The following FREM2 variants were observed in gnomAD, a reference collection of about 807,000 sequenced individuals.
FREM2 encodes FRAS1-related extracellular matrix protein 2.
A neutral mutation model predicts 219.9 loss-of-function variants in FREM2; 119 were observed. The observed-to-expected ratio is 0.54, with a 90% confidence interval of 0.47 to 0.63. FREM2 has a LOEUF of 0.63. Ranked by LOEUF, FREM2 falls within the 30% of genes least tolerant of loss-of-function variation. The pLI, the probability that FREM2 is intolerant of heterozygous loss-of-function variation, is 0.00. For missense variants in FREM2, 4,030 were observed against 3,993.6 expected (o/e 1.01, Z -0.25); for synonymous variants, 1,562 against 1,522.8 (o/e 1.03, Z -0.60).
At chr13:38,861,404 A>G (rs1028756553) in intron 14 of FREM2, 27 bp from the exon 15 acceptor site, 6 of 1,609,354 alleles carry the variant, frequency 3.7e-6, no homozygotes, top group Non-Finnish European at 3.4e-6. Context: ...TTCTTTTCGC[A>G]TAAATATGGT....
intron 2 of FREM2, among the ~76,000 whole-genome samples, chr13:38,718,640 C>T (rs182247820): frequency 6.6e-6 from 1 of 151,494 alleles, no homozygotes; most frequent in Admixed American, 6.6e-5. Context: ...CAGTTTCTCC[C>T]TCTCTCTTTT....
At chr13:38,846,769 A>C (rs371098313) in intron 7 of FREM2, 47 bp downstream of exon 7, 1 of 1,599,836 alleles carries the variant, frequency 6.3e-7, no homozygotes, top group South Asian at 1.1e-5. Flanking sequence ...GCAATTTTCA[A>C]TGACCATGGC....
intron 6 of FREM2, among the ~76,000 whole-genome samples, chr13:38,812,207 T>C (rs1451141564): frequency 2.6e-5 from 4 of 152,186 alleles, no homozygotes; most frequent in Non-Finnish European, 5.9e-5. Context: ...AGTATGTTTC[T>C]TATAGTCAAG....
intron 2 of FREM2, among the ~76,000 whole-genome samples, chr13:38,750,245 A>G (rs1425304247): frequency 6.6e-6 from 1 of 151,926 alleles, no homozygotes; most frequent in Non-Finnish European, 1.5e-5. Flanking sequence ...TGTGGGAGGG[A>G]CCTGGTAGGA....
intron 11 of FREM2, among the ~76,000 whole-genome samples, chr13:38,853,200 C>T (rs570837356): frequency 1.3e-5 from 2 of 151,522 alleles, no homozygotes; most frequent in South Asian, 2.1e-4. Flanking sequence ...TGGTGGCACA[C>T]GCCTGTAATC....
chr13:38,873,478 A>G, intron 17 of FREM2, among the ~76,000 whole-genome samples: 1 of 152,162 alleles, frequency 6.6e-6, no homozygotes, highest in Non-Finnish European at 1.5e-5. Flanking sequence ...TCTCTTTCTG[A>G]TGTAAAATTC....
intron 6 of FREM2, among the ~76,000 whole-genome samples, chr13:38,815,793 C>A (rs917527160): frequency 6.6e-6 from 1 of 152,168 alleles, no homozygotes; most frequent in African/African-American, 2.4e-5. Context: ...AGCTTTTTAA[C>A]AACCAGCTTT....
intron 2 of FREM2, among the ~76,000 whole-genome samples, chr13:38,748,119 T>C (rs1872561971): frequency 6.6e-6 from 1 of 152,044 alleles, no homozygotes; most frequent in Non-Finnish European, 1.5e-5. Context: ...CGCATTTGAC[T>C]AATTAAAAAA....
intron 6 of FREM2, among the ~76,000 whole-genome samples, chr13:38,815,677 G>A (rs1054523517): frequency 2.6e-5 from 4 of 152,168 alleles, no homozygotes; most frequent in Admixed American, 2.6e-4. Flanking sequence ...AAAAAGCATG[G>A]TGCTAGCACC....
chr13:38,739,144 G>A (rs1327796434), intron 2 of FREM2, among the ~76,000 whole-genome samples: 1 of 152,120 alleles, frequency 6.6e-6, no homozygotes, highest in Non-Finnish European at 1.5e-5. Flanking sequence ...AACAGAAATG[G>A]TAGAGTAGTA....
At chr13:38,753,831 G>A (rs2137797178) in intron 2 of FREM2, among the ~76,000 whole-genome samples, 1 of 152,274 alleles carries the variant, frequency 6.6e-6, no homozygotes, top group African/African-American at 2.4e-5. Flanking sequence ...AAAGTACAGT[G>A]TTACCCAATT....
chr13:38,753,040 C>T (rs921715108), intron 2 of FREM2, among the ~76,000 whole-genome samples: 7 of 152,274 alleles, frequency 4.6e-5, no homozygotes, highest in South Asian at 2.1e-4. Flanking sequence ...AGTGCATGCA[C>T]GAAATCTTGC....
chr13:38,813,508 C>T (rs1254985514), intron 6 of FREM2, among the ~76,000 whole-genome samples: 2 of 12,256 alleles, frequency 1.6e-4, no homozygotes, highest in African/African-American at 5.4e-4. Flanking sequence ...CTCTCTCTCT[C>T]TCTCTCTCTC....
chr13:38,822,412 A>C (rs1415027539), intron 6 of FREM2, among the ~76,000 whole-genome samples: 2 of 140,434 alleles, frequency 1.4e-5, no homozygotes, highest in South Asian at 2.3e-4. Flanking sequence ...TTGAGAGCAC[A>C]CTCCCTGCCA....
chr13:38,763,729 T>C (rs1244972345), intron 2 of FREM2, among the ~76,000 whole-genome samples: 1 of 152,148 alleles, frequency 6.6e-6, no homozygotes, highest in African/African-American at 2.4e-5. Flanking sequence ...GAAAACCTTA[T>C]CTTCAGAGTG....
At chr13:38,761,494 T>A (rs1873222751) in intron 2 of FREM2, among the ~76,000 whole-genome samples, 1 of 152,202 alleles carries the variant, frequency 6.6e-6, no homozygotes, top group Non-Finnish European at 1.5e-5. Context: ...AATAATTTTT[T>A]AAAATATTTT....
intron 6 of FREM2, among the ~76,000 whole-genome samples, chr13:38,842,200 G>A (rs765612729): frequency 4.6e-5 from 7 of 152,222 alleles, no homozygotes; most frequent in Non-Finnish European, 1.0e-4. Context: ...AAATGTTTCA[G>A]TGTCTTGTAA....
In FREM2 at chr13:38,856,216, T is replaced by C. The variant is rs1280605939; in HGVS notation, c.7016T>C (p.Val2339Ala). ...GVREMREAFT[V>A]HLKPDENMIA... is the part of the protein sequence containing the mutation. ...AGAGAGATGAGAGAGGCCTTCACTG[T>C]TCACCTAAAACCTGATGAAAATATG... The change falls in exon 12 of 24, where the codon GTT becomes GCT. Residue 2339 changes from valine (V) to alanine (A), a missense_variant. Physicochemically the swap from Val to Ala is moderately conservative, Grantham distance 64 (BLOSUM62 0). Around this residue, in one of 2 missense-constraint regions of FREM2, gnomAD observed 3,102 missense variants for 2,950.7 expected, o/e 1.05. Coordinates refer to ENST00000280481, the MANE Select transcript of FREM2 (RefSeq NM_207361.6). The C allele has an allele frequency of 6.2e-7, 1 of 1,612,980 alleles. No homozygotes were observed. The highest frequency in any genetic ancestry group is 1.7e-4 in the Middle Eastern group (1 of 6,054).
chr13:38,863,058 T>A (rs893777357), intron 15 of FREM2, among the ~76,000 whole-genome samples: 18 of 151,004 alleles, frequency 1.2e-4, no homozygotes, highest in South Asian at 2.1e-4. Context: ...TTTATAAAAA[T>A]TTTTTTTTTG....
Sources: allele counts gnomAD v4.1 joint callset (sites outside exome capture counted in the v4.1 genomes callset), GRCh38; gene constraint gnomAD v4.1.1; regional missense constraint gnomAD v4.1.1; transcripts MANE v1.5; gene names NCBI Gene and HGNC (gene_info 2026-07-23, HGNC 2026-07-21).